The following PRKN variants were observed in gnomAD, a reference collection of about 807,000 sequenced individuals.
PRKN encodes E3 ubiquitin-protein ligase parkin.
In PRKN, 56 loss-of-function variants were observed where a neutral mutation model predicts 59.5. That is an observed-to-expected ratio of 0.94 (90% CI 0.76 to 1.18). The LOEUF (loss-of-function observed/expected upper bound fraction) is 1.18, where lower values mean the gene tolerates loss of function less well. Among genes scored for constraint, PRKN ranks in the 50% most tolerant of loss-of-function variants. PRKN has a pLI of 0.00. For synonymous variants in PRKN, 250 were observed against 222.1 expected (o/e 1.13, Z -1.12); for missense variants, 657 against 596.4 (o/e 1.10, Z -1.06).
At chr6:162,405,495 G>T (rs1367774893) in intron 2 of PRKN, among the ~76,000 whole-genome samples, 1 of 152,172 alleles carries the variant, frequency 6.6e-6, no homozygotes, top group African/African-American at 2.4e-5. Flanking sequence ...AGTCCACGGT[G>T]TGTGGTGATG....
At chr6:162,161,411 T>C (rs965220623) in intron 4 of PRKN, among the ~76,000 whole-genome samples, 2 of 152,224 alleles carry the variant, frequency 1.3e-5, no homozygotes, top group African/African-American at 4.8e-5. Flanking sequence ...GCGGTTTTAC[T>C]TTCCACAGTT....
At position 161,562,236 on chromosome 6, in the gene PRKN, A is replaced by G. The variant is rs1183652539; in HGVS notation, c.933+7119T>C. Among the ~76,000 whole-genome samples the G allele has an allele frequency of 6.7e-6, 1 of 150,192 alleles. No homozygotes were observed. Among genetic ancestry groups the G allele is most frequent in the Non-Finnish European group, 1.5e-5 (1 of 67,702 alleles). On this transcript the variant is annotated intron_variant, in intron 8 of 11. Transcript: ENST00000366898. This position sits in a 1 kb window ranked among gnomAD's most constrained non-coding sequence, Gnocchi z 4.3. ...GGCTTCCTCAACACCATAAATCGCC[A>G]TTCTCCTCTGGAGGACCCGCCTTCT...
chr6:161,549,118 ATGTGTGTGTG>A lies in PRKN; in HGVS notation c.934-125_934-116del. 8 of 872,748 alleles carry A rather than the reference ATGTGTGTGTG, an allele frequency of 9.2e-6. No homozygotes were observed. Among genetic ancestry groups the A allele is most frequent in the South Asian group, 1.5e-5 (1 of 66,296 alleles). The allele number at this position is 872,748 out of a possible 1,614,324, so 54.1% of individuals were successfully genotyped here. On this transcript the variant is annotated intron_variant, in intron 8 of 11. Coordinates refer to ENST00000366898, the MANE Select transcript of PRKN (RefSeq NM_004562.3). This position sits in a 1 kb window ranked among gnomAD's most constrained non-coding sequence, Gnocchi z 6.0. ...TTAACCAGTTTCAGTAAAATAATGC[ATGTGTGTGTG>A]TGTGTGTGTGTGTAGGGGGAGGGAG...
chr6:161,452,187 C>G (rs900002885), intron 9 of PRKN, among the ~76,000 whole-genome samples: 20 of 146,466 alleles, frequency 1.4e-4, no homozygotes, highest in African/African-American at 5.4e-4. Flanking sequence ...GTCCTGATCT[C>G]AAGTGATCCC....
chr6:162,419,544 CA>C (rs34837907), intron 2 of PRKN, among the ~76,000 whole-genome samples: 78,132 of 151,804 alleles, frequency 0.51, 20,473 homozygotes, highest in East Asian at 0.68. Flanking sequence ...GGTGCAGGGT[CA>C]ACAAGCTGGA....
At chr6:162,404,704 C>T (rs1787973423) in intron 2 of PRKN, among the ~76,000 whole-genome samples, 1 of 152,080 alleles carries the variant, frequency 6.6e-6, no homozygotes. Flanking sequence ...AGGCGTGCAC[C>T]ACCACACCCA....
chr6:161,607,341 A>G (rs576639014), intron 7 of PRKN, among the ~76,000 whole-genome samples: 6 of 152,246 alleles, frequency 3.9e-5, no homozygotes, highest in African/African-American at 1.4e-4. Flanking sequence ...AGACATCTGG[A>G]GAAAGTCTTC....
intron 1 of PRKN, among the ~76,000 whole-genome samples, chr6:162,520,858 A>G (rs73591829): frequency 0.018 from 2,778 of 152,262 alleles, 85 homozygotes; most frequent in African/African-American, 0.063. Flanking sequence ...TCGCTAAGCA[A>G]ATCTTTTTAA....
chr6:162,234,063 T>C (rs981936955), intron 3 of PRKN, among the ~76,000 whole-genome samples: 1 of 152,124 alleles, frequency 6.6e-6, no homozygotes, highest in Non-Finnish European at 1.5e-5. Context: ...ACACATTCTA[T>C]GAGGAAAAGA....
intron 7 of PRKN, among the ~76,000 whole-genome samples, chr6:161,719,182 C>T (rs1439603800): frequency 6.6e-6 from 1 of 151,808 alleles, no homozygotes; most frequent in East Asian, 1.9e-4. Flanking sequence ...GTCTCTCCTT[C>T]CAGAGATTTC....
intron 7 of PRKN, among the ~76,000 whole-genome samples, chr6:161,703,084 G>A (rs980345831): frequency 1.2e-4 from 18 of 150,158 alleles, no homozygotes; most frequent in African/African-American, 3.2e-4. Flanking sequence ...CAGGAGGATA[G>A]CTTGAGGACA....
At chr6:162,606,185 G>T (rs927891014) in intron 1 of PRKN, among the ~76,000 whole-genome samples, 3 of 152,124 alleles carry the variant, frequency 2.0e-5, no homozygotes, top group African/African-American at 7.2e-5. Context: ...AATTACAGAT[G>T]CTCCTTAACC....
chr6:161,689,461 T>C (rs2128175091), intron 7 of PRKN, among the ~76,000 whole-genome samples: 1 of 152,314 alleles, frequency 6.6e-6, no homozygotes, highest in African/African-American at 2.4e-5. Context: ...TTCTAGACTG[T>C]TCAGCACCCT....
intron 6 of PRKN, among the ~76,000 whole-genome samples, chr6:161,873,199 C>T (rs529406399): frequency 8.5e-5 from 13 of 152,048 alleles, no homozygotes; most frequent in Non-Finnish European, 1.6e-4. Context: ...TCGAAGCACG[C>T]GTCAGTCTCA....
intron 1 of PRKN, among the ~76,000 whole-genome samples, chr6:162,454,398 T>C (rs907582839): frequency 1.3e-5 from 2 of 152,194 alleles, no homozygotes; most frequent in African/African-American, 4.8e-5. Context: ...GCTCTCAATT[T>C]TCAAAGTGCT....
chr6:161,668,552 A>G (rs1784801874), intron 7 of PRKN, among the ~76,000 whole-genome samples: 1 of 152,196 alleles, frequency 6.6e-6, no homozygotes. Flanking sequence ...GAGTTGCACC[A>G]ACATGAACAA....
intron 6 of PRKN, among the ~76,000 whole-genome samples, chr6:161,858,857 A>ATTTTTTTTT (rs1491531194): frequency 7.1e-5 from 4 of 55,974 alleles, no homozygotes; most frequent in African/African-American, 1.8e-4. Flanking sequence ...GCACAGCTGT[A>ATTTTTTTTT]CTTTTTTTTT....
rs193087266 is a variant in PRKN, at chr6:162,228,062, T to C, written c.413-26810A>G. On this transcript the variant is annotated intron_variant, in intron 3 of 11. Transcript: ENST00000366898. The stretch of plus-strand genomic sequence containing the variant: ...TTTATCGTAGAGAGAATTCTCCAAA[T>C]AGAAGGTGTAGAAACCTCACTACGC... Among the ~76,000 whole-genome samples, 24 of 152,214 alleles carry C rather than the reference T, an allele frequency of 1.6e-4. No individual in the cohort carries two copies. The East Asian group carries it at 4.5e-3, about 28-fold the overall frequency.
chr6:162,339,251 AG>A (rs1202859184), intron 2 of PRKN, among the ~76,000 whole-genome samples: 2 of 143,556 alleles, frequency 1.4e-5, no homozygotes, highest in African/African-American at 5.2e-5. Flanking sequence ...GGTGGGGGTC[AG>A]CCCCCCGCCC....
Sources: gnomAD v4.1 joint callset for allele counts (sites outside exome capture counted in the v4.1 genomes callset) on GRCh38, gnomAD v4.1.1 for gene constraint, Gnocchi (gnomAD v3.1) non-coding constraint, MANE v1.5 for transcripts, NCBI Gene and HGNC (gene_info 2026-07-23, HGNC 2026-07-21) for gene names.